ABHD16A: variants seen among roughly 807,000 people sequenced by gnomAD.
The protein encoded by ABHD16A is abhydrolase domain containing 16A, phospholipase.
Under a neutral mutation model 89.8 loss-of-function variants are expected in ABHD16A, and 47 were observed. The ratio of observed to expected loss-of-function variants is 0.52; its 90% confidence interval spans 0.41 to 0.67. The LOEUF is 0.67. Among genes scored for constraint, ABHD16A ranks in the 30% least tolerant of loss-of-function variants. The pLI, the probability that ABHD16A is intolerant of heterozygous loss-of-function variation, is 0.00. For missense variants in ABHD16A, 580 were observed against 734.6 expected (o/e 0.79, Z 2.43); for synonymous variants, 251 against 280.4 (o/e 0.90, Z 1.05).
At position 31,693,328 on chromosome 6, in the gene ABHD16A, G is replaced by A; in HGVS notation, c.503+31C>T. ...AGATTTTCTGGAATGGTTCTAAGGG[G>A]AGAGATACAGCAAAAGAACTGGGGC... On this transcript the variant is annotated intron_variant, in intron 6 of 19. Transcript: ENST00000395952. The surrounding 1 kb of genome is among the most constrained non-coding windows in gnomAD (Gnocchi z 5.0). 1 of 1,611,808 alleles carries A rather than the reference G, an allele frequency of 6.2e-7. No individual in the cohort carries two copies. The highest frequency in any genetic ancestry group is 1.3e-5 in the African/African-American group (1 of 75,018).
At chr6:31,689,898 C>T (rs1285587671) in intron 11 of ABHD16A, among the ~76,000 whole-genome samples, 180 bp downstream of exon 11, 1 of 152,194 alleles carries the variant, frequency 6.6e-6, no homozygotes, top group Non-Finnish European at 1.5e-5. Flanking sequence ...TCCTGCTAGC[C>T]CCGCACTGTG....
intron 2 of ABHD16A, 139 bp downstream of exon 2, chr6:31,701,935 T>G (rs186311054): frequency 1.2e-6 from 1 of 833,828 alleles, no homozygotes; most frequent in East Asian, 2.5e-5. Context: ...CCTGTGTGTC[T>G]GTGTTGGAGA....
intron 5 of ABHD16A, among the ~76,000 whole-genome samples, chr6:31,696,371 G>A (rs1247555247): frequency 6.6e-6 from 1 of 151,116 alleles, no homozygotes; most frequent in Non-Finnish European, 1.5e-5. Flanking sequence ...GGTGGCTCAC[G>A]CCTGTAATCC....
At position 31,701,344 on chromosome 6, in the gene ABHD16A, C is replaced by A; in HGVS notation, c.190-4G>T. On this transcript the variant is annotated splice_region_variant and splice_polypyrimidine_tract_variant and intron_variant, in intron 2 of 19. Coordinates refer to ENST00000395952, the MANE Select transcript of ABHD16A (RefSeq NM_021160.3). ...AGATGGACCAGAATACTGAAGCCTG[C>A]AGCAGAGAGACAGGGACAGGCAATC... 1 of 1,607,632 alleles carries A rather than the reference C, an allele frequency of 6.2e-7. No homozygotes were observed. Among genetic ancestry groups the A allele is most frequent in the Non-Finnish European group, 8.5e-7 (1 of 1,177,518 alleles).
In ABHD16A at chr6:31,689,696, T is replaced by G; in HGVS notation, c.966A>C (p.Pro322=). The G allele has an allele frequency of 6.2e-7, 1 of 1,610,148 alleles. No homozygotes were observed. Among genetic ancestry groups the G allele is most frequent in the South Asian group, 1.1e-5 (1 of 90,732 alleles). The change falls in exon 12 of 20, where the codon CCA becomes CCC. Residue 322 remains proline, a synonymous_variant. Transcript: ENST00000395952. ...TGGCATTAGCCTCATTCTGCGGGAATGGCACCCCCTGCAGGAGAAAGGGCA... is the reference window on the plus strand; with the variant it reads ...TGGCATTAGCCTCATTCTGCGGGAAGGGCACCCCCTGCAGGAGAAAGGGCA... ...HPGFAGSTGV[P]FPQNEANAMD...
intron 1 of ABHD16A, chr6:31,702,667 C>T: frequency 1.9e-6 from 3 of 1,541,852 alleles, no homozygotes; most frequent in Non-Finnish European, 2.6e-6. Flanking sequence ...CTAGGTTGGG[C>T]GGGGGTTGAG....
At chr6:31,689,834 A>T in intron 11 of ABHD16A, 130 bp from the exon 12 acceptor site, 1 of 1,374,780 alleles carries the variant, frequency 7.3e-7, no homozygotes, top group Non-Finnish European at 9.7e-7. Flanking sequence ...GGATGGTAGG[A>T]GAGGTTGTTC....
Position 31,693,334 on chromosome 6 carries a change from TA to T in ABHD16A, c.503+24del, listed in dbSNP as rs1459168026. 1.2e-6 allele frequency: 2 copies of T among 1,612,374 alleles called. No individual in the cohort carries two copies. Among genetic ancestry groups the T allele is most frequent in the East Asian group, 2.2e-5 (1 of 44,882 alleles). On this transcript the variant is annotated intron_variant, in intron 6 of 19. Coordinates refer to ENST00000395952, the MANE Select transcript of ABHD16A (RefSeq NM_021160.3). This position sits in a 1 kb window ranked among gnomAD's most constrained non-coding sequence, Gnocchi z 5.0. ...TCTGGAATGGTTCTAAGGGGAGAGA[TA>T]CAGCAAAAGAACTGGGGCCTCACCG...
Position 31,693,083 on chromosome 6 carries a change from C to T in ABHD16A, c.570G>A (p.Arg190=). 1 of 1,614,178 alleles carries T rather than the reference C, an allele frequency of 6.2e-7. No homozygotes were observed. The highest frequency in any genetic ancestry group is 8.5e-7 in the Non-Finnish European group (1 of 1,180,036). ...VALLRPEPLH[R]GTADTLLNRV... ...GGTTGAGGAGGGTGTCTGCTGTCCCCCGGTGCAGGGGCTCTGGGCGAAGCA... is the reference window on the plus strand; with the variant it reads ...GGTTGAGGAGGGTGTCTGCTGTCCCTCGGTGCAGGGGCTCTGGGCGAAGCA... The change falls in exon 7 of 20, where the codon CGG becomes CGA. Residue 190 remains arginine, a synonymous_variant. Transcript: ENST00000395952. The surrounding 1 kb of genome is among the most constrained non-coding windows in gnomAD (Gnocchi z 5.0).
chr6:31,688,135 C>A lies in ABHD16A; in HGVS notation c.1308-32G>T, dbSNP rs781397602. On this transcript the variant is annotated intron_variant, in intron 15 of 19. Transcript: ENST00000395952. This position sits in a 1 kb window ranked among gnomAD's most constrained non-coding sequence, Gnocchi z 4.9. The stretch of plus-strand genomic sequence containing the variant: ...GTGAGAAGAATGTACCCTGGAGGGG[C>A]TGGAGGTTAGGAGGAAGGGTCTAGA... The A allele has an allele frequency of 1.2e-6, 2 of 1,607,294 alleles. No individual in the cohort carries two copies. The highest frequency in any genetic ancestry group is 1.7e-6 in the Non-Finnish European group (2 of 1,175,728).
Position 31,690,682 on chromosome 6 carries a change from T to G in ABHD16A, c.844-80A>C. The G allele has an allele frequency of 7.7e-7, 1 of 1,290,704 alleles. No homozygotes were observed. The allele number at this position is 1,290,704 out of a possible 1,614,324, so 80.0% of individuals were successfully genotyped here. A position where few individuals can be genotyped will look rare whatever the true frequency, so the allele number is the denominator to read the frequency against. On this transcript the variant is annotated intron_variant, in intron 9 of 19. Coordinates refer to ENST00000395952, the MANE Select transcript of ABHD16A (RefSeq NM_021160.3). This position sits in a 1 kb window ranked among gnomAD's most constrained non-coding sequence, Gnocchi z 4.1. Reference sequence around the variant, plus strand: ...CCCTTTGGGCAGGGAGGGCAGCCCATGAAGAGCTTTGCAGGGAAGAGGAAA... The same window carrying G: ...CCCTTTGGGCAGGGAGGGCAGCCCAGGAAGAGCTTTGCAGGGAAGAGGAAA...
chr6:31,702,568 T>G, intron 1 of ABHD16A: 1 of 1,414,076 alleles, frequency 7.1e-7, no homozygotes, highest in Non-Finnish European at 9.3e-7. Context: ...AGTAACACAA[T>G]GAGACAACTG....
Position 31,700,925 on chromosome 6 carries a change from G to T in ABHD16A, c.343+17C>A, listed in dbSNP as rs750762640. 5 of 1,602,974 alleles carry T rather than the reference G, an allele frequency of 3.1e-6. No individual in the cohort carries two copies. The highest frequency in any genetic ancestry group is 4.3e-6 in the Non-Finnish European group (5 of 1,170,192). On this transcript the variant is annotated intron_variant, in intron 4 of 19. Transcript: ENST00000395952. Reference sequence around the variant, plus strand: ...CAGTGACAGATAAGATTCAAACCAGGTTTCCTCTCCACCTACCTCGGAGGC... The same window carrying T: ...CAGTGACAGATAAGATTCAAACCAGTTTTCCTCTCCACCTACCTCGGAGGC...
At position 31,693,167 on chromosome 6, in the gene ABHD16A, G is replaced by A; in HGVS notation, c.504-18C>T. 1 of 1,610,358 alleles carries A rather than the reference G, an allele frequency of 6.2e-7. No individual in the cohort carries two copies. The highest frequency in any genetic ancestry group is 8.5e-7 in the Non-Finnish European group (1 of 1,178,128). ...ACTCCTTCCTGAGGAAGGGAAAGATGCAGGGAAGGATAGGGTCAGGAGCAG... is the reference window on the plus strand; with the variant it reads ...ACTCCTTCCTGAGGAAGGGAAAGATACAGGGAAGGATAGGGTCAGGAGCAG... On this transcript the variant is annotated intron_variant, in intron 6 of 19. Transcript: ENST00000395952. This position sits in a 1 kb window ranked among gnomAD's most constrained non-coding sequence, Gnocchi z 5.0.
chr6:31,693,364 G>T lies in ABHD16A; in HGVS notation c.498C>A (p.Ser166Arg). 3 of 1,613,074 alleles carry T rather than the reference G, an allele frequency of 1.9e-6. No homozygotes were observed. The highest frequency in any genetic ancestry group is 8.5e-7 in the Non-Finnish European group (1 of 1,180,004). Residue 166 changes from serine to arginine, a missense_variant, in exon 6 of 20, where the codon AGC (serine) becomes AGA (arginine). This residue lies in a region of ABHD16A where 415 missense variants were observed against 568.8 expected (regional missense o/e 0.73). Transcript: ENST00000395952. The surrounding 1 kb of genome is among the most constrained non-coding windows in gnomAD (Gnocchi z 5.0). ...CAAAAGAACTGGGGCCTCACCGGCT[G>T]CTGGGTTCTTCCCAGTGGAAGTCGA... ...WPVDFHWEEPSSRKESRGGPS... is the reference protein window; with the variant it reads ...WPVDFHWEEPRSRKESRGGPS...
intron 4 of ABHD16A, among the ~76,000 whole-genome samples, chr6:31,700,415 C>T (rs1172289596): frequency 1.3e-5 from 2 of 152,222 alleles, no homozygotes; most frequent in Non-Finnish European, 2.9e-5. Flanking sequence ...TGAGCCACCA[C>T]ACCCGGCCAC....
intron 2 of ABHD16A, 81 bp from the exon 3 acceptor site, chr6:31,701,421 G>C: frequency 1.7e-6 from 2 of 1,191,648 alleles, no homozygotes; most frequent in South Asian, 2.5e-5. Context: ...TATACACTCT[G>C]AGCAAGATGG....
rs997000223 is a variant in ABHD16A at position 31,698,846 on chromosome 6, C to A, written c.344-1813G>T. On this transcript the variant is annotated intron_variant, in intron 4 of 19. Transcript: ENST00000395952. This position sits in a 1 kb window ranked among gnomAD's most constrained non-coding sequence, Gnocchi z 4.1. ...CCCAACTGCGACCATCCAGCCCTGACCCCACCACCCCCATGTTGAAGCATC... is the reference window on the plus strand; with the variant it reads ...CCCAACTGCGACCATCCAGCCCTGAACCCACCACCCCCATGTTGAAGCATC... 6.6e-6 allele frequency among the ~76,000 whole-genome samples: 1 copy of A among 152,092 alleles called. No homozygotes were observed. The highest frequency in any genetic ancestry group is 1.5e-5 in the Non-Finnish European group (1 of 68,014).
At position 31,688,240 on chromosome 6, in the gene ABHD16A, C is replaced by T. The variant is rs374881914; in HGVS notation, c.1307+9G>A. On this transcript the variant is annotated intron_variant, in intron 15 of 19. Coordinates refer to ENST00000395952, the MANE Select transcript of ABHD16A (RefSeq NM_021160.3). This position sits in a 1 kb window ranked among gnomAD's most constrained non-coding sequence, Gnocchi z 4.9. ...GGGTTCCTGAGGGCCGAGATTCCCACGCACTCACGTGGTGGTGATGATCTC... is the reference window on the plus strand; with the variant it reads ...GGGTTCCTGAGGGCCGAGATTCCCATGCACTCACGTGGTGGTGATGATCTC... 35 of 1,613,824 alleles carry T rather than the reference C, an allele frequency of 2.2e-5. No individual in the cohort carries two copies. Among genetic ancestry groups the T allele is most frequent in the Middle Eastern group, 1.6e-4 (1 of 6,082 alleles).
Sources: gnomAD v4.1 joint callset for allele counts (sites outside exome capture counted in the v4.1 genomes callset) on GRCh38, gnomAD v4.1.1 for gene constraint, gnomAD v4.1.1 regional missense constraint, Gnocchi (gnomAD v3.1) non-coding constraint, MANE v1.5 for transcripts, NCBI Gene and HGNC (gene_info 2026-07-23, HGNC 2026-07-21) for gene names.